JARID2: variants seen among roughly 807,000 people sequenced by gnomAD.
JARID2 encodes protein Jumonji.
JARID2 carries 21 observed loss-of-function variants against 125.6 expected under a neutral mutation model. That is an observed-to-expected ratio of 0.17 (90% CI 0.12 to 0.24). The LOEUF (loss-of-function observed/expected upper bound fraction) is 0.24. JARID2 is among the 10% of genes least tolerant of loss of function. The probability of loss-of-function intolerance (pLI) is 1.00; values close to 1 mark genes in which losing one functional copy is unlikely to be tolerated. For missense variants in JARID2, 1,303 were observed against 1,639.6 expected (o/e 0.79, Z 3.55); for synonymous variants, 736 against 661.6 (o/e 1.11, Z -1.73).
chr6:15,343,010 A>G (rs1399993747), intron 1 of JARID2, among the ~76,000 whole-genome samples: 1 of 152,034 alleles, frequency 6.6e-6, no homozygotes, highest in Non-Finnish European at 1.5e-5. Flanking sequence ...TGGGCGGGTT[A>G]CCTGAGGTCA....
At chr6:15,421,956 C>T (rs1766507804) in intron 3 of JARID2, among the ~76,000 whole-genome samples, 2 of 152,344 alleles carry the variant, frequency 1.3e-5, no homozygotes, top group Admixed American at 6.5e-5. Flanking sequence ...ATAATCTCTT[C>T]TGCCAAGGGA....
intron 1 of JARID2, among the ~76,000 whole-genome samples, chr6:15,345,824 G>A (rs951386413): frequency 2.6e-5 from 4 of 152,168 alleles, no homozygotes; most frequent in African/African-American, 9.7e-5. Flanking sequence ...CTGTTACTGG[G>A]TCATTGAGCC....
chr6:15,438,714 CCTT>C (rs1767319432), intron 3 of JARID2, among the ~76,000 whole-genome samples: 1 of 152,148 alleles, frequency 6.6e-6, no homozygotes, highest in Non-Finnish European at 1.5e-5. Context: ...TCCACAGTAT[CCTT>C]CTATCTGCTC....
rs759624906 is a variant in JARID2, at chr6:15,521,827, C to G, written c.*1576C>G. 3 of 152,220 alleles carry G rather than the reference C, an allele frequency of 2.0e-5. No homozygotes were observed. The highest frequency in any genetic ancestry group is 7.2e-5 in the African/African-American group (3 of 41,448). 9.4% of individuals were successfully genotyped at this position (152,220 alleles called of 1,614,324 possible). A position where few individuals can be genotyped will look rare whatever the true frequency, so the allele number is the denominator to read the frequency against. ...GTTTTCCAATGTGGTTGTCCGGTTTCTATGGCCTTGCTGTGTACTTTCCCT... is the reference window on the plus strand; with the variant it reads ...GTTTTCCAATGTGGTTGTCCGGTTTGTATGGCCTTGCTGTGTACTTTCCCT... On this transcript the variant is annotated 3_prime_UTR_variant, in exon 18 of 18. Transcript: ENST00000341776.
chr6:15,257,837 C>T (rs901877529), intron 1 of JARID2, among the ~76,000 whole-genome samples: 2 of 152,140 alleles, frequency 1.3e-5, no homozygotes, highest in African/African-American at 4.8e-5. Context: ...TTTCTATTTT[C>T]TTCCTGTGTC....
At chr6:15,501,957 G>A (rs1409958051) in intron 8 of JARID2, among the ~76,000 whole-genome samples, 1 of 152,156 alleles carries the variant, frequency 6.6e-6, no homozygotes, top group East Asian at 1.9e-4. Flanking sequence ...GACCGTCAGT[G>A]GACTCTGTGC....
chr6:15,521,289 A>T lies in JARID2; in HGVS notation c.*1038A>T, dbSNP rs1771836069. On this transcript the variant is annotated 3_prime_UTR_variant, in exon 18 of 18. Coordinates refer to ENST00000341776, the MANE Select transcript of JARID2 (RefSeq NM_004973.4). Reference sequence around the variant, plus strand: ...CAGTTATTTTTGAATGTGAAAATGCATTTGCGTTCATCTTGTCTATTTTTT... The same window carrying T: ...CAGTTATTTTTGAATGTGAAAATGCTTTTGCGTTCATCTTGTCTATTTTTT... 1 of 151,776 alleles carries T rather than the reference A, an allele frequency of 6.6e-6. No individual in the cohort carries two copies. Among genetic ancestry groups the T allele is most frequent in the African/African-American group, 2.4e-5 (1 of 41,262 alleles). The allele number at this position is 151,776 out of a possible 1,614,324, so 9.4% of individuals were successfully genotyped here.
At chr6:15,265,482 G>A (rs570112891) in intron 1 of JARID2, among the ~76,000 whole-genome samples, 8 of 152,102 alleles carry the variant, frequency 5.3e-5, no homozygotes, top group African/African-American at 1.4e-4. Context: ...TGTCAGCTGG[G>A]ATTTCAAATA....
chr6:15,253,399 T>G (rs1296391504), intron 1 of JARID2, among the ~76,000 whole-genome samples: 1 of 152,258 alleles, frequency 6.6e-6, no homozygotes, highest in East Asian at 1.9e-4. Flanking sequence ...TGATTCAGAA[T>G]AAAATTATCG....
chr6:15,358,119 T>C (rs1763669683), intron 1 of JARID2, among the ~76,000 whole-genome samples: 1 of 152,164 alleles, frequency 6.6e-6, no homozygotes, highest in African/African-American at 2.4e-5. Flanking sequence ...TTGGAAAGTG[T>C]TTTCTTTGAG....
intron 1 of JARID2, among the ~76,000 whole-genome samples, chr6:15,261,600 G>A (rs1218176975): frequency 8.5e-5 from 13 of 152,108 alleles, no homozygotes; most frequent in East Asian, 5.8e-4. Flanking sequence ...GATTACAGGC[G>A]TGAGCCACCC....
intron 5 of JARID2, 116 bp from the exon 6 acceptor site, chr6:15,487,191 G>T: frequency 1.2e-6 from 1 of 812,340 alleles, no homozygotes. Context: ...GCTAACACAT[G>T]GGGATTACAG....
At chr6:15,400,750 C>G (rs1765396554) in intron 2 of JARID2, 1 of 966,228 alleles carries the variant, frequency 1.0e-6, no homozygotes, top group Non-Finnish European at 1.2e-6. Flanking sequence ...AACCTTCTCT[C>G]CTGGCTGCCT....
chr6:15,466,187 T>C (rs959327713), intron 4 of JARID2, among the ~76,000 whole-genome samples: 1 of 152,206 alleles, frequency 6.6e-6, no homozygotes, highest in Non-Finnish European at 1.5e-5. Context: ...AGAGGAAGGC[T>C]GGAGGGGTGA....
intron 5 of JARID2, among the ~76,000 whole-genome samples, chr6:15,473,733 A>G (rs1769206981): frequency 6.6e-6 from 1 of 152,142 alleles, no homozygotes; most frequent in African/African-American, 2.4e-5. Flanking sequence ...ACAAGCCACT[A>G]CCTGGGATAT....
At chr6:15,445,221 G>A (rs1284851332) in intron 3 of JARID2, among the ~76,000 whole-genome samples, 1 of 152,146 alleles carries the variant, frequency 6.6e-6, no homozygotes, top group Non-Finnish European at 1.5e-5. Flanking sequence ...TCAATCATTT[G>A]GGGAGGAAGG....
chr6:15,431,626 C>T (rs73365234), intron 3 of JARID2, among the ~76,000 whole-genome samples: 4,698 of 152,266 alleles, frequency 0.031, 233 homozygotes, highest in African/African-American at 0.11. Flanking sequence ...TTTTAAATTG[C>T]AATTAGTTAA....
intron 1 of JARID2, among the ~76,000 whole-genome samples, chr6:15,306,974 G>T (rs370249452): frequency 6.6e-6 from 1 of 150,478 alleles, no homozygotes; most frequent in African/African-American, 2.4e-5. Context: ...GGGCGTGGTG[G>T]CTCATGCCTG....
chr6:15,426,684 T>G (rs1766741903), intron 3 of JARID2, among the ~76,000 whole-genome samples: 2 of 152,216 alleles, frequency 1.3e-5, no homozygotes, highest in South Asian at 4.1e-4. Flanking sequence ...GGGTTTCCTG[T>G]CTTCACCTTA....
Sources: gnomAD v4.1 joint callset for allele counts (sites outside exome capture counted in the v4.1 genomes callset) on GRCh38, gnomAD v4.1.1 for gene constraint, MANE v1.5 for transcripts, NCBI Gene and HGNC (gene_info 2026-07-23, HGNC 2026-07-21) for gene names.